GAB3: variants seen among roughly 807,000 people sequenced by gnomAD.
GAB3 encodes the protein GRB2-associated-binding protein 3.
In GAB3, 12 loss-of-function variants were observed where a neutral mutation model predicts 40.4. That is an observed-to-expected ratio of 0.30 (90% CI 0.19 to 0.48). GAB3 has a LOEUF of 0.48. GAB3 is among the 20% of genes least tolerant of loss of function. The pLI, the probability that GAB3 is intolerant of heterozygous loss-of-function variation, is 0.99. For missense variants in GAB3, 381 were observed against 461.9 expected (o/e 0.82, Z 1.61); for synonymous variants, 154 against 176.7 (o/e 0.87, Z 1.02).
At chrX:154,744,059 C>G (rs868990512) in intron 1 of GAB3, among the ~76,000 whole-genome samples, 4 of 108,595 alleles carry the variant, frequency 3.7e-5, no homozygotes, top group Non-Finnish European at 7.6e-5. Flanking sequence ...ACTAAAAATA[C>G]AAAAATTAGC....
intron 4 of GAB3, among the ~76,000 whole-genome samples, chrX:154,709,861 A>G (rs1345567688): frequency 3.6e-5 from 4 of 111,871 alleles, no homozygotes; most frequent in African/African-American, 1.3e-4. Context: ...AAAATACTGC[A>G]CGATTTCACT....
In GAB3 at chrX:154,712,716, C is replaced by A. The variant is rs370242773; in HGVS notation, c.597-15G>T. On this transcript the variant is annotated splice_polypyrimidine_tract_variant and intron_variant, in intron 3 of 9. Transcript: ENST00000424127. ...TGGTGGGTAGACTGGGGAAGAAAAG[C>A]ATGTAAGTTGGACTAAAATGCAGCC... 3.3e-4 allele frequency: 348 copies of A among 1,058,123 alleles called. No individual in the cohort carries two copies. The highest frequency in any genetic ancestry group is 1.0e-3 in the Admixed American group (31 of 30,567). The allele number at this position is 1,058,123 out of a possible 1,213,427, so 87.2% of individuals were successfully genotyped here.
At chrX:154,750,352 TAA>T (rs1327650802) in intron 1 of GAB3, among the ~76,000 whole-genome samples, 2 of 112,268 alleles carry the variant, frequency 1.8e-5, no homozygotes, top group Non-Finnish European at 3.8e-5. Flanking sequence ...TTCATATTAG[TAA>T]AAGTCAGTTG....
chrX:154,751,130 G>A (rs2071610119), upstream of GAB3: 3 of 698,875 alleles, frequency 4.3e-6, no homozygotes, highest in South Asian at 1.5e-4. Flanking sequence ...CCCGCCCAGC[G>A]CCGCCCCGAG....
chrX:154,703,128 A>T (rs983859766), intron 4 of GAB3, among the ~76,000 whole-genome samples: 1 of 112,274 alleles, frequency 8.9e-6, no homozygotes, highest in Admixed American at 9.4e-5. Flanking sequence ...AATACCACTC[A>T]ACCCAGCAGT....
At chrX:154,695,838 ATG>A (rs2070647278) in intron 8 of GAB3, 77 bp downstream of exon 8, 22 of 555,821 alleles carry the variant, frequency 4.0e-5, no homozygotes, top group Middle Eastern at 5.7e-4. Context: ...TTACTGAAGG[ATG>A]TGTTTCCTTT....
intron 1 of GAB3, among the ~76,000 whole-genome samples, chrX:154,723,829 G>A (rs1190163364): frequency 7.2e-5 from 8 of 111,495 alleles, no homozygotes; most frequent in Non-Finnish European, 1.3e-4. Flanking sequence ...AATGGGCAGG[G>A]GGAGGCACTG....
intron 8 of GAB3, among the ~76,000 whole-genome samples, chrX:154,694,914 GTA>G (rs1446535494): frequency 1.8e-5 from 2 of 112,180 alleles, no homozygotes; most frequent in African/African-American, 6.5e-5. Flanking sequence ...TAACAGATTT[GTA>G]TATGAGTCAC....
intron 1 of GAB3, among the ~76,000 whole-genome samples, chrX:154,725,540 G>C (rs1321001894): frequency 2.7e-5 from 3 of 111,156 alleles, no homozygotes; most frequent in Non-Finnish European, 5.7e-5. Context: ...ACAGAGTTGA[G>C]AAAGCAGAGA....
chrX:154,709,474 C>T (rs2070884811), intron 4 of GAB3, among the ~76,000 whole-genome samples: 3 of 109,435 alleles, frequency 2.7e-5, no homozygotes, highest in Admixed American at 2.0e-4. Flanking sequence ...GCACCCGCCA[C>T]CACACTGGGT....
At chrX:154,734,084 G>C (rs1199410219) in intron 1 of GAB3, among the ~76,000 whole-genome samples, 2 of 112,427 alleles carry the variant, frequency 1.8e-5, no homozygotes, top group African/African-American at 6.5e-5. Flanking sequence ...TAATTACACT[G>C]TTCTCCTGGC....
intron 1 of GAB3, among the ~76,000 whole-genome samples, chrX:154,744,359 A>G (rs898124792): frequency 2.7e-5 from 3 of 111,834 alleles, no homozygotes; most frequent in Admixed American, 1.9e-4. Flanking sequence ...GCACATATCA[A>G]AAGAAAGCTA....
chrX:154,718,190 T>C (rs1258783753), intron 1 of GAB3, among the ~76,000 whole-genome samples: 1 of 110,260 alleles, frequency 9.1e-6, no homozygotes, highest in Non-Finnish European at 1.9e-5. Context: ...CTCAGCTCCC[T>C]CCCTGCTCAG....
chrX:154,710,260 G>T (rs1294520587), intron 4 of GAB3, among the ~76,000 whole-genome samples: 2 of 111,913 alleles, frequency 1.8e-5, no homozygotes, highest in Admixed American at 9.4e-5. Context: ...CCGATCTACA[G>T]ATCGGATGCA....
intron 1 of GAB3, among the ~76,000 whole-genome samples, chrX:154,749,822 C>G (rs2148500827): frequency 8.9e-6 from 1 of 112,728 alleles, no homozygotes; most frequent in South Asian, 3.6e-4. Flanking sequence ...GCCACACATT[C>G]TGGAAGTATT....
At chrX:154,705,885 G>A (rs1346588758) in intron 4 of GAB3, among the ~76,000 whole-genome samples, 2 of 111,986 alleles carry the variant, frequency 1.8e-5, no homozygotes, top group African/African-American at 6.5e-5. Flanking sequence ...AATGAATTTA[G>A]TAAGTTTGCA....
At chrX:154,682,690 T>G (rs957891302) in intron 8 of GAB3, among the ~76,000 whole-genome samples, 2 of 111,812 alleles carry the variant, frequency 1.8e-5, no homozygotes, top group Non-Finnish European at 3.8e-5. Flanking sequence ...TAAAAAGGCT[T>G]TTCCTAGCTG....
At chrX:154,694,234 C>T (rs1299199307) in intron 8 of GAB3, among the ~76,000 whole-genome samples, 3 of 111,553 alleles carry the variant, frequency 2.7e-5, no homozygotes, top group African/African-American at 9.8e-5. Flanking sequence ...TACGACAGTT[C>T]CCAGATCATA....
At chrX:154,721,954 C>G (rs1181132200) in intron 1 of GAB3, among the ~76,000 whole-genome samples, 1 of 111,817 alleles carries the variant, frequency 8.9e-6, no homozygotes, top group Non-Finnish European at 1.9e-5. Flanking sequence ...TGAAATCACC[C>G]TCTCATAAAG....
Sources: allele counts gnomAD v4.1 joint callset (sites outside exome capture counted in the v4.1 genomes callset), GRCh38; gene constraint gnomAD v4.1.1; transcripts MANE v1.5; gene names NCBI Gene and HGNC (gene_info 2026-07-23, HGNC 2026-07-21).